TK2: variants seen among roughly 807,000 people sequenced by gnomAD.
TK2 encodes thymidine kinase 2.
TK2 carries 35 observed loss-of-function variants against 41.9 expected under a neutral mutation model. That is an observed-to-expected ratio of 0.84 (90% CI 0.64 to 1.11). The LOEUF is 1.11. TK2 is among the 50% of genes least tolerant of loss of function. TK2 has a pLI of 0.00. For missense variants in TK2, 320 were observed against 351.1 expected, an observed-to-expected ratio of 0.91 and a Z score of 0.71; for synonymous variants, 128 against 129.1, an observed-to-expected ratio of 0.99 and a Z score of 0.06.
intron 8 of TK2, among the ~76,000 whole-genome samples, chr16:66,516,379 G>A (rs1372063883): frequency 6.6e-6 from 1 of 152,234 alleles, no homozygotes; most frequent in East Asian, 1.9e-4. Context: ...AGGGAATGGA[G>A]GATGATAACG....
At chr16:66,529,537 G>C (rs141533304) in intron 5 of TK2, among the ~76,000 whole-genome samples, 56 of 152,346 alleles carry the variant, frequency 3.7e-4, no homozygotes, top group Non-Finnish European at 5.6e-4. Flanking sequence ...TGACGTTCTG[G>C]GGGCTCTGCC....
In TK2 at chr16:66,508,449, A is replaced by G. The variant is rs1484762405; in HGVS notation, c.*3519T>C. The G allele has an allele frequency of 6.6e-6, 1 of 152,286 alleles. No homozygotes were observed. The highest frequency in any genetic ancestry group is 2.4e-5 in the African/African-American group (1 of 41,478). The allele number at this position is 152,286 out of a possible 1,614,324, so 9.4% of individuals were successfully genotyped here. On this transcript the variant is annotated 3_prime_UTR_variant, in exon 10 of 10. Coordinates refer to ENST00000544898, the MANE Select transcript of TK2 (RefSeq NM_004614.5). The stretch of plus-strand genomic sequence containing the variant: ...ATTGCTATTCCATTCTGAACAATGG[A>G]TGACTGACATTTGCAAGAGCTTGCC...
chr16:66,548,186 T>C, intron 2 of TK2: 1 of 383,348 alleles, frequency 2.6e-6, no homozygotes, highest in Non-Finnish European at 5.4e-6. Context: ...CTTCCACAAA[T>C]CTCAAGCATT....
intron 5 of TK2, 129 bp downstream of exon 5, chr16:66,531,251 C>G (rs1965102089): frequency 2.2e-6 from 2 of 909,896 alleles, no homozygotes; most frequent in Non-Finnish European, 3.5e-6. Flanking sequence ...CTTGGCCCCA[C>G]ACAGAGAGGC....
rs116742669 is a variant in TK2, at chr16:66,513,652, G to A, written c.699+79C>T. ...ACTCTAAAGGACTGTGCCCTCCCCT[G>A]TCTGCAAGGTGGCTGACATTCCCCG... On this transcript the variant is annotated intron_variant, in intron 9 of 9. Transcript: ENST00000544898. 1.0e-3 allele frequency: 1,360 copies of A among 1,340,392 alleles called. 8 individuals are homozygous for A. The African/African-American group carries it at 0.015, about 15-fold the overall frequency. The allele number at this position is 1,340,392 out of a possible 1,614,324, so 83.0% of individuals were successfully genotyped here.
chr16:66,533,581 A>G (rs1236202426), intron 4 of TK2, among the ~76,000 whole-genome samples: 2 of 152,030 alleles, frequency 1.3e-5, no homozygotes, highest in Non-Finnish European at 2.9e-5. Flanking sequence ...TAAGTTTAAA[A>G]TTTTTAAAGA....
intron 4 of TK2, among the ~76,000 whole-genome samples, 160 bp downstream of exon 4, chr16:66,536,804 C>G (rs1439788705): frequency 1.3e-5 from 2 of 151,996 alleles, no homozygotes; most frequent in East Asian, 3.9e-4. Flanking sequence ...GACCTCAGAA[C>G]ACCAACATGC....
At chr16:66,519,646 A>G (rs1288063203) in intron 6 of TK2, among the ~76,000 whole-genome samples, 1 of 152,212 alleles carries the variant, frequency 6.6e-6, no homozygotes, top group Non-Finnish European at 1.5e-5. Context: ...AGGAATGGAC[A>G]CAGCTGGAGG....
chr16:66,527,225 C>A (rs147637018), intron 6 of TK2, among the ~76,000 whole-genome samples: 1 of 152,194 alleles, frequency 6.6e-6, no homozygotes, highest in Admixed American at 6.5e-5. Context: ...AAGTCTGAGG[C>A]CAGGGGGCAA....
At chr16:66,540,547 A>G (rs999356087) in intron 3 of TK2, among the ~76,000 whole-genome samples, 3 of 152,240 alleles carry the variant, frequency 2.0e-5, no homozygotes, top group South Asian at 2.1e-4. Flanking sequence ...AAAAGTATAG[A>G]AATTGTAGCT....
rs990845351 is a variant in TK2 at position 66,514,670 on chromosome 16, G to A, written c.619-859C>T. On this transcript the variant is annotated intron_variant, in intron 8 of 9. Transcript: ENST00000544898. The surrounding 1 kb of genome is among the most constrained non-coding windows in gnomAD (Gnocchi z 4.2). ...CCGGCCACCACCCCGTCTGGGAGGTGTACCCAATAGCTCATTGAGAACGGG... is the reference window on the plus strand; with the variant it reads ...CCGGCCACCACCCCGTCTGGGAGGTATACCCAATAGCTCATTGAGAACGGG... Among the ~76,000 whole-genome samples the A allele has an allele frequency of 3.9e-5, 6 of 152,208 alleles. No homozygotes were observed. The highest frequency in any genetic ancestry group is 8.8e-5 in the Non-Finnish European group (6 of 68,028).
At chr16:66,524,138 G>A (rs1027321655) in intron 6 of TK2, among the ~76,000 whole-genome samples, 3 of 152,304 alleles carry the variant, frequency 2.0e-5, no homozygotes, top group African/African-American at 7.2e-5. Context: ...GCCAGGTGCA[G>A]GAAACAGGAA....
At position 66,541,918 on chromosome 16, in the gene TK2, C is replaced by G. The variant is rs373843440; in HGVS notation, c.192G>C (p.Thr64=). ...CGTTGGAGAAGAATTCCAGGCATGT[C>G]GTCTTCCCACTTGCAATATTGCCCT... ...CVEGNIASGK[T]TCLEFFSNAT... Residue 64 remains threonine (T), a synonymous_variant, in exon 3 of 10, where the codon ACG becomes ACC. Transcript: ENST00000544898. The G allele has an allele frequency of 4.4e-5, 71 of 1,613,974 alleles. No individual in the cohort carries two copies. The highest frequency in any genetic ancestry group is 5.6e-5 in the Non-Finnish European group (66 of 1,180,002).
Position 66,529,037 on chromosome 16 carries a change from T to G in TK2, c.406A>C (p.Ile136Leu). 1 of 1,614,128 alleles carries G rather than the reference T, an allele frequency of 6.2e-7. No homozygotes were observed. Among genetic ancestry groups the G allele is most frequent in the African/African-American group, 1.3e-5 (1 of 75,056 alleles). Residue 136 changes from isoleucine to leucine, a missense_variant, in exon 6 of 10, where the codon ATT (isoleucine) becomes CTT (leucine). Physicochemically the swap from Ile to Leu is conservative, Grantham distance 5 (BLOSUM62 2). Coordinates refer to ENST00000544898, the MANE Select transcript of TK2 (RefSeq NM_004614.5). Reference sequence around the variant, plus strand: ...ACAAAAATGTATCTTGCGCTGTGAATCGACCTCTCCATCAACCGTACAGAT... The same window carrying G: ...ACAAAAATGTATCTTGCGCTGTGAAGCGACCTCTCCATCAACCGTACAGAT... Reference protein sequence around the residue: ...VSSVRLMERSIHSARYIFVEN... With the variant: ...VSSVRLMERSLHSARYIFVEN...
intron 6 of TK2, among the ~76,000 whole-genome samples, chr16:66,519,786 G>C (rs937653447): frequency 5.3e-5 from 8 of 152,200 alleles, no homozygotes; most frequent in Non-Finnish European, 1.5e-5. Context: ...ACTGGCCATG[G>C]GGGAGTGGCC....
intron 2 of TK2, chr16:66,548,727 A>G: frequency 4.0e-6 from 2 of 496,994 alleles, no homozygotes; most frequent in South Asian, 4.9e-5. Flanking sequence ...CTTAAGCTTT[A>G]ACAGCCCAAA....
chr16:66,547,971 AC>A (rs1435273647), intron 2 of TK2: 6 of 1,288,294 alleles, frequency 4.7e-6, no homozygotes, highest in Non-Finnish European at 6.1e-6. Context: ...AGTGGCTCAC[AC>A]TTGTCATCAC....
intron 3 of TK2, among the ~76,000 whole-genome samples, chr16:66,539,086 A>G (rs1427500177): frequency 6.6e-6 from 1 of 152,158 alleles, no homozygotes; most frequent in African/African-American, 2.4e-5. Flanking sequence ...CAGTATACTC[A>G]CTGGATGTTA....
At chr16:66,548,108 G>T in intron 2 of TK2, 1 of 470,784 alleles carries the variant, frequency 2.1e-6, no homozygotes, top group Non-Finnish European at 4.0e-6. Flanking sequence ...TTACCATCCA[G>T]CTCAACTTTG....
Sources: allele counts gnomAD v4.1 joint callset (sites outside exome capture counted in the v4.1 genomes callset), GRCh38; gene constraint gnomAD v4.1.1; non-coding constraint Gnocchi (gnomAD v3.1); transcripts MANE v1.5; gene names NCBI Gene and HGNC (gene_info 2026-07-23, HGNC 2026-07-21).